The following MORN4 variants were observed in gnomAD, a reference collection of about 807,000 sequenced individuals.
The protein encoded by MORN4 is MORN repeat containing 4.
In MORN4, 8 loss-of-function variants were observed where a neutral mutation model predicts 16.4. The observed-to-expected ratio is 0.49, with a 90% confidence interval of 0.29 to 0.88. The LOEUF (loss-of-function observed/expected upper bound fraction) is 0.88, where lower values mean the gene tolerates loss of function less well. MORN4 is among the 40% of genes least tolerant of loss of function. MORN4 has a pLI of 0.09. For synonymous variants in MORN4, 53 were observed against 68.9 expected (o/e 0.77, Z 1.14); for missense variants, 159 against 182.9 (o/e 0.87, Z 0.75).
chr10:97,624,693 C>T (rs1422670538), intron 1 of MORN4, among the ~76,000 whole-genome samples: 2 of 152,180 alleles, frequency 1.3e-5, no homozygotes, highest in South Asian at 2.1e-4. Context: ...GCTGGGATTA[C>T]TGGTGTGAGC....
Position 97,617,338 on chromosome 10 carries a change from G to A in MORN4, c.68-16C>T, listed in dbSNP as rs116034923. On this transcript the variant is annotated splice_polypyrimidine_tract_variant and intron_variant, in intron 2 of 4. Coordinates refer to ENST00000307450, the MANE Select transcript of MORN4 (RefSeq NM_178832.4). ...TGCCTGCGGCCTGAACAAAGAGAAG[G>A]ATAGGTGTCAGGTTGGAAGGAGGCA... 7.8e-4 allele frequency: 1,258 copies of A among 1,610,126 alleles called. 11 individuals are homozygous for A. In the African/African-American group the frequency reaches 0.015, roughly 19 times the overall value.
chr10:97,625,791 A>G (rs537241513), intron 1 of MORN4, among the ~76,000 whole-genome samples: 1 of 152,318 alleles, frequency 6.6e-6, no homozygotes, highest in African/African-American at 2.4e-5. Flanking sequence ...TTAAGGAGAC[A>G]GTGTGTCGCT....
At chr10:97,633,695 A>C (rs890945180), upstream of MORN4, 5 of 1,198,152 alleles carry the variant, frequency 4.2e-6, no homozygotes, top group Non-Finnish European at 5.3e-6. This position sits in a 1 kb window ranked among gnomAD's most constrained non-coding sequence, Gnocchi z 4.5. Flanking sequence ...TGGCCTACCC[A>C]GAGGCCGTCT....
intron 1 of MORN4, among the ~76,000 whole-genome samples, chr10:97,630,810 C>G (rs548915936): frequency 6.6e-6 from 1 of 152,158 alleles, no homozygotes; most frequent in African/African-American, 2.4e-5. Context: ...TGAGACAAAC[C>G]TAGTTTAACA....
At chr10:97,618,206 C>T (rs1307816483) in intron 2 of MORN4, among the ~76,000 whole-genome samples, 1 of 149,692 alleles carries the variant, frequency 6.7e-6, no homozygotes, top group African/African-American at 2.5e-5. Context: ...AAATAAATAA[C>T]AATTGCTAAC....
chr10:97,631,474 T>C (rs2041394944), intron 1 of MORN4, among the ~76,000 whole-genome samples: 1 of 152,152 alleles, frequency 6.6e-6, no homozygotes, highest in African/African-American at 2.4e-5. Flanking sequence ...TTAATTATTA[T>C]TATTTTCTTA....
At chr10:97,619,045 C>T (rs2041264534) in intron 2 of MORN4, among the ~76,000 whole-genome samples, 1 of 152,284 alleles carries the variant, frequency 6.6e-6, no homozygotes, top group East Asian at 1.9e-4. Flanking sequence ...CTGGCATGGG[C>T]CGGGCATGGT....
intron 3 of MORN4, 82 bp from the exon 4 acceptor site, chr10:97,616,869 T>C (rs966670970): frequency 2.1e-6 from 2 of 969,296 alleles, no homozygotes. Context: ...TGATCTCTGT[T>C]ATTTAATGAT....
At chr10:97,623,117 C>G (rs1417721921) in intron 1 of MORN4, among the ~76,000 whole-genome samples, 2 of 152,076 alleles carry the variant, frequency 1.3e-5, no homozygotes, top group East Asian at 3.8e-4. Flanking sequence ...ATGCAGATTC[C>G]TAGGCCCAAA....
At chr10:97,631,782 A>T (rs190490460) in intron 1 of MORN4, among the ~76,000 whole-genome samples, 1 of 152,166 alleles carries the variant, frequency 6.6e-6, no homozygotes, top group East Asian at 1.9e-4. Flanking sequence ...AAACAATACA[A>T]AAATTTGCTG....
intron 1 of MORN4, among the ~76,000 whole-genome samples, chr10:97,625,506 C>T (rs2041338760): frequency 1.3e-5 from 2 of 152,262 alleles, no homozygotes; most frequent in East Asian, 1.9e-4. Flanking sequence ...AGGGCCTGTC[C>T]ACTAAATGTT....
chr10:97,621,043 C>A (rs1401429644), intron 1 of MORN4, among the ~76,000 whole-genome samples: 1 of 151,914 alleles, frequency 6.6e-6, no homozygotes, highest in African/African-American at 2.4e-5. Flanking sequence ...ATTGCTTGAA[C>A]CCAGGAGGCA....
At chr10:97,622,301 G>C (rs1214497944) in intron 1 of MORN4, among the ~76,000 whole-genome samples, 1 of 152,156 alleles carries the variant, frequency 6.6e-6, no homozygotes, top group Non-Finnish European at 1.5e-5. Flanking sequence ...GGAACAACTG[G>C]GGGGATACAT....
intron 1 of MORN4, among the ~76,000 whole-genome samples, chr10:97,621,932 T>C (rs1165602716): frequency 1.3e-5 from 2 of 152,118 alleles, no homozygotes; most frequent in Non-Finnish European, 2.9e-5. Flanking sequence ...TGTGACTTGT[T>C]CTAGATAATG....
intron 1 of MORN4, among the ~76,000 whole-genome samples, chr10:97,632,862 T>G (rs2041408881): frequency 6.6e-6 from 1 of 152,060 alleles, no homozygotes; most frequent in Non-Finnish European, 1.5e-5. Flanking sequence ...AGTTCAGAGA[T>G]GCTAGAATGC....
At chr10:97,617,389 T>A in intron 2 of MORN4, 67 bp from the exon 3 acceptor site, 1 of 1,165,640 alleles carries the variant, frequency 8.6e-7, no homozygotes, top group South Asian at 1.2e-5. Context: ...CTTACTCTTG[T>A]AGCATCCCTT....
At chr10:97,622,938 A>G (rs545273941) in intron 1 of MORN4, among the ~76,000 whole-genome samples, 50 of 151,064 alleles carry the variant, frequency 3.3e-4, no homozygotes, top group African/African-American at 1.1e-3. Flanking sequence ...AGGCTAGAGC[A>G]CGGTGGCACG....
At chr10:97,620,530 G>A (rs1297305391) in intron 1 of MORN4, among the ~76,000 whole-genome samples, 1 of 149,368 alleles carries the variant, frequency 6.7e-6, no homozygotes, top group Admixed American at 6.7e-5. Context: ...AAAATATGGG[G>A]AACCAACACT....
Position 97,619,633 on chromosome 10 carries a change from G to A in MORN4, c.21C>T (p.Ser7=), listed in dbSNP as rs760004981. 6.2e-7 allele frequency: 1 copy of A among 1,614,122 alleles called. No individual in the cohort carries two copies. The highest frequency in any genetic ancestry group is 2.2e-5 in the East Asian group (1 of 44,888). MTLTKG[S]FTYSSGEEYR... ...ATTCCTCCCCACTGGAGTAGGTGAA[G>A]GAACCTTTTGTCAGGGTCATGGTGA... The change falls in exon 2 of 5, where the codon TCC becomes TCT. Residue 7 remains serine, a synonymous_variant. Transcript: ENST00000307450.
Sources: gnomAD v4.1 joint callset for allele counts (sites outside exome capture counted in the v4.1 genomes callset) on GRCh38, gnomAD v4.1.1 for gene constraint, Gnocchi (gnomAD v3.1) non-coding constraint, MANE v1.5 for transcripts, NCBI Gene and HGNC (gene_info 2026-07-23, HGNC 2026-07-21) for gene names.